Variants in LRRC72 observed in about 807,000 individuals in gnomAD.
LRRC72 encodes the protein leucine-rich repeat-containing protein 72.
A neutral mutation model predicts 35.8 loss-of-function variants in LRRC72; 41 were observed. The observed-to-expected ratio is 1.15, with a 90% confidence interval of 0.89 to 1.49. The LOEUF (loss-of-function observed/expected upper bound fraction) is 1.49. Among genes scored for constraint, LRRC72 ranks in the 40% most tolerant of loss-of-function variants. LRRC72 has a pLI of 0.00. For missense variants in LRRC72, 389 were observed against 330.7 expected (o/e 1.18, Z -1.37); for synonymous variants, 118 against 119.2 (o/e 0.99, Z 0.07).
At chr7:16,533,554 A>G (rs1395145573) in intron 2 of LRRC72, among the ~76,000 whole-genome samples, 1 of 152,042 alleles carries the variant, frequency 6.6e-6, no homozygotes, top group East Asian at 1.9e-4. Flanking sequence ...GCTCATATGT[A>G]ATCTTTGGAA....
chr7:16,558,701 C>G (rs1782693061), intron 4 of LRRC72, among the ~76,000 whole-genome samples, 188 bp from the exon 5 acceptor site: 1 of 151,690 alleles, frequency 6.6e-6, no homozygotes, highest in African/African-American at 2.4e-5. Context: ...TGAATTATGC[C>G]TTATTGTATT....
chr7:16,573,924 C>T lies in LRRC72; in HGVS notation c.671-6150C>T, dbSNP rs117040010. Among the ~76,000 whole-genome samples the T allele has an allele frequency of 0.019, 2,895 of 152,182 alleles. 150 individuals are homozygous for T. The East Asian group carries it at 0.19, about 10-fold the overall frequency. On this transcript the variant is annotated intron_variant, in intron 7 of 8. Transcript: ENST00000401542. ...ATCCATCTGATGAAGGGCTAATATC[C>T]GGAATCTACAAGGAACTGAAACAAA...
intron 2 of LRRC72, among the ~76,000 whole-genome samples, chr7:16,536,155 G>A (rs1301500924): frequency 6.6e-6 from 1 of 152,102 alleles, no homozygotes; most frequent in African/African-American, 2.4e-5. Flanking sequence ...TTACAGGCAT[G>A]AGCCACCATG....
chr7:16,557,446 G>C lies in LRRC72; in HGVS notation c.316+5G>C. 1 of 1,158,792 alleles carries C rather than the reference G, an allele frequency of 8.6e-7. No homozygotes were observed. The highest frequency in any genetic ancestry group is 3.1e-5 in the East Asian group (1 of 31,892). The allele number at this position is 1,158,792 out of a possible 1,614,324, so 71.8% of individuals were successfully genotyped here. On this transcript the variant is annotated splice_donor_5th_base_variant and intron_variant, in intron 4 of 8. Transcript: ENST00000401542. Reference sequence around the variant, plus strand: ...ATGCAATATTTGAGATAGAAGGTACGTCTTAAATTCTCTGTTGATTTAATA... The same window carrying C: ...ATGCAATATTTGAGATAGAAGGTACCTCTTAAATTCTCTGTTGATTTAATA...
intron 3 of LRRC72, among the ~76,000 whole-genome samples, chr7:16,540,153 AG>A (rs1272798535): frequency 6.6e-6 from 1 of 152,228 alleles, no homozygotes; most frequent in African/African-American, 2.4e-5. Flanking sequence ...GAAAAACCAC[AG>A]GGGCAGAGCT....
chr7:16,562,469 C>T (rs1237115676), intron 5 of LRRC72, among the ~76,000 whole-genome samples: 1 of 152,216 alleles, frequency 6.6e-6, no homozygotes, highest in Non-Finnish European at 1.5e-5. Context: ...TTAAACTCCA[C>T]TGTTGGAAAG....
rs376968463 is a variant in LRRC72, at chr7:16,532,519, T to G, written c.115T>G (p.Cys39Gly). ...GGCAGTTGAAGATCAGCTAAAGATA[T>G]GTGGCCACAGGAGGGATGCTGATGT... is the stretch of plus-strand genomic sequence containing the variant. The part of the protein sequence containing the change: ...RRAVEDQLKI[C>G]GHRRDADVFE... Residue 39 changes from cysteine to glycine, a missense_variant, in exon 2 of 9, where the codon TGT becomes GGT. Transcript: ENST00000401542. 1 of 1,550,178 alleles carries G rather than the reference T, an allele frequency of 6.5e-7. No homozygotes were observed. The highest frequency in any genetic ancestry group is 8.7e-7 in the Non-Finnish European group (1 of 1,146,520).
rs573854115 is a variant in LRRC72 at position 16,527,454 on chromosome 7, G to A, written c.90+412G>A. Among the ~76,000 whole-genome samples the A allele has an allele frequency of 5.8e-3, 733 of 126,912 alleles. 5 individuals carry two copies. The highest frequency in any genetic ancestry group is 0.02 in the Middle Eastern group (5 of 250). The allele number at this position is 126,912 out of a possible 152,430, so 83.3% of individuals were successfully genotyped here. ...TTTCGCAGTCTTGATTCTCCAACAG[G>A]GGTGTGTGTGTGTGTGTGGATGTGG... is the stretch of plus-strand genomic sequence containing the variant. On this transcript the variant is annotated intron_variant, in intron 1 of 8. Transcript: ENST00000401542.
At chr7:16,565,937 A>G (rs185935252) in intron 5 of LRRC72, among the ~76,000 whole-genome samples, 2 of 152,270 alleles carry the variant, frequency 1.3e-5, no homozygotes, top group African/African-American at 4.8e-5. Flanking sequence ...GTACCAAGTG[A>G]TATTTTAATA....
chr7:16,540,548 G>C (rs1458709035), intron 3 of LRRC72, among the ~76,000 whole-genome samples: 1 of 152,120 alleles, frequency 6.6e-6, no homozygotes, highest in Non-Finnish European at 1.5e-5. Flanking sequence ...ATGAGATTTG[G>C]GAGGGGACAG....
intron 5 of LRRC72, among the ~76,000 whole-genome samples, chr7:16,559,898 A>G (rs755751179): frequency 1.3e-5 from 2 of 152,118 alleles, no homozygotes; most frequent in Admixed American, 6.6e-5. Flanking sequence ...AAAAAAAACT[A>G]AAAGACTTTT....
intron 2 of LRRC72, among the ~76,000 whole-genome samples, chr7:16,535,825 T>C (rs1027169503): frequency 1.3e-5 from 2 of 152,222 alleles, no homozygotes; most frequent in African/African-American, 4.8e-5. Context: ...TGAGACATTC[T>C]ACCAGACAAT....
chr7:16,533,236 TG>T (rs1782198700), intron 2 of LRRC72, among the ~76,000 whole-genome samples: 1 of 152,138 alleles, frequency 6.6e-6, no homozygotes, highest in African/African-American at 2.4e-5. Context: ...CCAGTTTTAC[TG>T]GTAAGTAGAA....
chr7:16,562,286 C>A (rs1461236747), intron 5 of LRRC72, among the ~76,000 whole-genome samples: 1 of 152,166 alleles, frequency 6.6e-6, no homozygotes, highest in African/African-American at 2.4e-5. Flanking sequence ...AAATCAGAAT[C>A]CACATGTGTC....
intron 7 of LRRC72, among the ~76,000 whole-genome samples, chr7:16,579,484 C>G (rs1289511888): frequency 2.6e-5 from 4 of 151,958 alleles, no homozygotes; most frequent in Non-Finnish European, 4.4e-5. Flanking sequence ...CTAGGCTTTC[C>G]GGAGGGAAAT....
chr7:16,549,855 GATAAAA>G (rs2128336344), intron 3 of LRRC72, among the ~76,000 whole-genome samples: 1 of 141,530 alleles, frequency 7.1e-6, no homozygotes, highest in South Asian at 2.3e-4. Context: ...TGTTTAGAAA[GATAAAA>G]ATAAAAGGAA....
At chr7:16,531,254 A>G (rs561335418) in intron 1 of LRRC72, among the ~76,000 whole-genome samples, 1 of 152,098 alleles carries the variant, frequency 6.6e-6, no homozygotes, top group African/African-American at 2.4e-5. Context: ...GCCTGATCCA[A>G]TGGGTTTTTC....
chr7:16,534,487 T>C (rs1425160465), intron 2 of LRRC72, among the ~76,000 whole-genome samples: 1 of 152,114 alleles, frequency 6.6e-6, no homozygotes, highest in Non-Finnish European at 1.5e-5. Flanking sequence ...ATTTATTACA[T>C]TACCTAATCA....
In LRRC72 at chr7:16,526,847, G is replaced by C; in HGVS notation, c.-106G>C. The C allele has an allele frequency of 2.3e-6, 2 of 878,482 alleles. No homozygotes were observed. The highest frequency in any genetic ancestry group is 2.1e-4 in the Middle Eastern group (1 of 4,662). The allele number at this position is 878,482 out of a possible 1,614,324, so 54.4% of individuals were successfully genotyped here. ...TTTAGTCAACGGGAATGCGGTAACT[G>C]TTGGTAACAGAACAACGAGCTGTGC... is the stretch of plus-strand genomic sequence containing the variant. On this transcript the variant is annotated 5_prime_UTR_variant, in exon 1 of 9. Coordinates refer to ENST00000401542, the MANE Select transcript of LRRC72 (RefSeq NM_001195280.2).
Sources: gnomAD v4.1 joint callset for allele counts (sites outside exome capture counted in the v4.1 genomes callset) on GRCh38, gnomAD v4.1.1 for gene constraint, MANE v1.5 for transcripts, NCBI Gene and HGNC (gene_info 2026-07-23, HGNC 2026-07-21) for gene names.